The following DLC1 variants were observed in gnomAD, a reference collection of about 807,000 sequenced individuals.
DLC1 encodes rho GTPase-activating protein 7.
DLC1 carries 54 observed loss-of-function variants against 140.3 expected under a neutral mutation model. That is an observed-to-expected ratio of 0.38 (90% CI 0.31 to 0.48). DLC1 has a LOEUF of 0.48. Ranked by LOEUF, DLC1 falls within the 20% of genes least tolerant of loss-of-function variation. DLC1 has a pLI of 0.96. For missense variants in DLC1, 2,536 were observed against 1,907.0 expected, an observed-to-expected ratio of 1.33 and a Z score of -6.14; for synonymous variants, 986 against 728.1, an observed-to-expected ratio of 1.35 and a Z score of -5.70.
At chr8:13,396,465 A>G (rs1383655676) in intron 3 of DLC1, among the ~76,000 whole-genome samples, 1 of 152,108 alleles carries the variant, frequency 6.6e-6, no homozygotes, top group Non-Finnish European at 1.5e-5. Context: ...TTTAAAAACT[A>G]CCGTTTATTG....
At chr8:13,293,707 A>G (rs892886688) in intron 5 of DLC1, among the ~76,000 whole-genome samples, 5 of 152,196 alleles carry the variant, frequency 3.3e-5, no homozygotes, top group African/African-American at 1.2e-4. Context: ...CATAATAAAT[A>G]TACCAACAAA....
chr8:13,483,321 C>A (rs191975327), intron 2 of DLC1, among the ~76,000 whole-genome samples: 2 of 152,162 alleles, frequency 1.3e-5, no homozygotes, highest in African/African-American at 2.4e-5. Context: ...ATCATATTTG[C>A]AGGTTCCAGG....
chr8:13,427,179 G>A (rs1838629648), intron 2 of DLC1, among the ~76,000 whole-genome samples: 1 of 152,150 alleles, frequency 6.6e-6, no homozygotes, highest in Non-Finnish European at 1.5e-5. Context: ...ATGCCCCACT[G>A]TACGGTTAAT....
chr8:13,603,561 T>C (rs974994711), intron 1 of DLC1, among the ~76,000 whole-genome samples: 1 of 152,040 alleles, frequency 6.6e-6, no homozygotes, highest in Non-Finnish European at 1.5e-5. Context: ...AAGGTGCATG[T>C]TAAATTTTAA....
chr8:13,373,481 C>T (rs926192601), intron 4 of DLC1, among the ~76,000 whole-genome samples: 11 of 152,208 alleles, frequency 7.2e-5, no homozygotes, highest in African/African-American at 2.7e-4. Flanking sequence ...TTGTCCTGAT[C>T]TGTTCCCTTT....
intron 10 of DLC1, among the ~76,000 whole-genome samples, chr8:13,098,173 C>T (rs901292376): frequency 4.0e-5 from 6 of 151,842 alleles, no homozygotes; most frequent in East Asian, 1.9e-4. Context: ...TGCAGTGAGC[C>T]GAGATCGCAC....
intron 5 of DLC1, among the ~76,000 whole-genome samples, chr8:13,188,882 A>C (rs1826578411): frequency 8.0e-6 from 1 of 124,632 alleles, no homozygotes; most frequent in Non-Finnish European, 1.7e-5. Flanking sequence ...GTGGAGATGA[A>C]GTTTCATCAT....
intron 2 of DLC1, among the ~76,000 whole-genome samples, chr8:13,433,374 C>T (rs1309700123): frequency 6.6e-6 from 1 of 152,134 alleles, no homozygotes; most frequent in African/African-American, 2.4e-5. Context: ...CACATTTCCA[C>T]AGTGGAAACT....
intron 5 of DLC1, among the ~76,000 whole-genome samples, chr8:13,181,768 G>T: frequency 6.6e-6 from 1 of 152,058 alleles, no homozygotes. Context: ...CCAAGTCTTT[G>T]CTATTGTGAA....
At chr8:13,467,883 C>T (rs1220934066) in intron 2 of DLC1, among the ~76,000 whole-genome samples, 1 of 152,026 alleles carries the variant, frequency 6.6e-6, no homozygotes. Flanking sequence ...TAGTAAAATG[C>T]CCATTCCATT....
intron 10 of DLC1, among the ~76,000 whole-genome samples, 165 bp downstream of exon 10, chr8:13,098,230 AAAAC>A (rs896344841): frequency 6.6e-6 from 1 of 152,002 alleles, no homozygotes; most frequent in Non-Finnish European, 1.5e-5. Flanking sequence ...ACCCTGTCTC[AAAAC>A]AAACAAACAA....
rs1226619785 is a variant in DLC1 at position 13,100,191 on chromosome 8, T to G, written c.2146A>C (p.Ile716Leu). ...EKLKQLNCVE[I>L]SALNGNRINV... ...ATGCGGTTGCCATTGAGGGCGGAGA[T>G]CTCCACGCAGTTGAGCTGCTTCAGC... The change falls in exon 9 of 18, where the codon ATC becomes CTC. Residue 716 changes from isoleucine (I) to leucine (L), a missense_variant. By Grantham distance (5) the Ile-to-Leu change is conservative. Coordinates refer to ENST00000276297, the MANE Select transcript of DLC1 (RefSeq NM_182643.3). The G allele has an allele frequency of 1.2e-6, 2 of 1,613,992 alleles. No individual in the cohort carries two copies. The highest frequency in any genetic ancestry group is 2.2e-5 in the South Asian group (2 of 91,088).
At chr8:13,103,860 GAAAGAAAGA>G (rs1475139769) in intron 7 of DLC1, among the ~76,000 whole-genome samples, 1 of 62,036 alleles carries the variant, frequency 1.6e-5, no homozygotes, top group Non-Finnish European at 4.9e-5. Flanking sequence ...AAAAAAAAAA[GAAAGAAAGA>G]AAAGAAAAGT....
At chr8:13,352,267 A>C (rs1325385737) in intron 4 of DLC1, among the ~76,000 whole-genome samples, 1 of 152,264 alleles carries the variant, frequency 6.6e-6, no homozygotes, top group Non-Finnish European at 1.5e-5. Flanking sequence ...ATAGAAAGTC[A>C]GCAAAAGCAA....
intron 5 of DLC1, among the ~76,000 whole-genome samples, chr8:13,121,437 A>G (rs917493454): frequency 6.6e-6 from 1 of 152,210 alleles, no homozygotes; most frequent in Non-Finnish European, 1.5e-5. Flanking sequence ...GGTGGGTTCC[A>G]GAGGGCGTTC....
chr8:13,132,733 C>T (rs1822217335), intron 5 of DLC1, among the ~76,000 whole-genome samples: 1 of 152,230 alleles, frequency 6.6e-6, no homozygotes, highest in Admixed American at 6.5e-5. Flanking sequence ...AATCAAGAGT[C>T]ACTCCTCCAA....
At chr8:13,195,571 T>TAATC in intron 5 of DLC1, among the ~76,000 whole-genome samples, 1 of 152,328 alleles carries the variant, frequency 6.6e-6, no homozygotes, top group East Asian at 1.9e-4. Flanking sequence ...GTTCTTTGTG[T>TAATC]GATTGAAGTA....
intron 14 of DLC1, among the ~76,000 whole-genome samples, chr8:13,090,766 C>A (rs2466274): frequency 0.9 from 136,796 of 151,854 alleles, 61,647 homozygotes; most frequent in South Asian, 0.95. Flanking sequence ...GTGGATACAG[C>A]AGTTTAATTC....
intron 1 of DLC1, among the ~76,000 whole-genome samples, chr8:13,583,291 A>G (rs897176681): frequency 2.6e-5 from 4 of 152,196 alleles, no homozygotes; most frequent in African/African-American, 9.6e-5. Flanking sequence ...TTTATGGAAT[A>G]TTCCAAATCC....
Sources: allele counts gnomAD v4.1 joint callset (sites outside exome capture counted in the v4.1 genomes callset), GRCh38; gene constraint gnomAD v4.1.1; transcripts MANE v1.5; gene names NCBI Gene and HGNC (gene_info 2026-07-23, HGNC 2026-07-21).